ILDR1: variants seen among roughly 807,000 people sequenced by gnomAD.
ILDR1 encodes the protein immunoglobulin like domain containing receptor 1.
ILDR1 carries 56 observed loss-of-function variants against 62.4 expected under a neutral mutation model. The ratio of observed to expected loss-of-function variants is 0.90; its 90% CI spans 0.72 to 1.12. The LOEUF (loss-of-function observed/expected upper bound fraction) is 1.12, where lower values mean the gene tolerates loss of function less well. Ranked by LOEUF, ILDR1 falls within the 50% of genes most tolerant of loss-of-function variation. The probability of loss-of-function intolerance (pLI) is 0.00; values close to 1 mark genes in which losing one functional copy is unlikely to be tolerated. For missense variants in ILDR1, 736 were observed against 710.6 expected (o/e 1.04, Z -0.41); for synonymous variants, 284 against 277.8 (o/e 1.02, Z -0.22).
At chr3:122,047,264 C>G in the ILDR1 span, among the ~76,000 whole-genome samples, 1 of 152,274 alleles carries the variant, frequency 6.6e-6, no homozygotes, top group Non-Finnish European at 1.5e-5. Context: ...CTTGAGAAGG[C>G]AGTCTGCCGG....
In ILDR1 at chr3:121,993,149, C is replaced by A; in HGVS notation, c.1599+1G>T. On this transcript the variant is annotated splice_donor_variant, in intron 7 of 7. Transcript: ENST00000344209. LOFTEE classifies it high-confidence loss of function. ...CCCTCAGCAGGATGCCCCAGGCTCA[C>A]CGAGCGCCTCTCCACACTCCCTTTT... 6.3e-7 allele frequency: 1 copy of A among 1,580,770 alleles called. No individual in the cohort carries two copies. The highest frequency in any genetic ancestry group is 8.6e-7 in the Non-Finnish European group (1 of 1,162,650).
At chr3:122,008,716 C>T (rs4974397) in intron 1 of ILDR1, among the ~76,000 whole-genome samples, 91,452 of 150,986 alleles carry the variant, frequency 0.61, 28,344 homozygotes, top group Admixed American at 0.74. Context: ...GCCTCAGCCT[C>T]CCAAGTAGCT....
chr3:122,056,928 G>A, the ILDR1 span, among the ~76,000 whole-genome samples: 3 of 152,264 alleles, frequency 2.0e-5, no homozygotes, highest in African/African-American at 7.2e-5. Context: ...TATTGAACTT[G>A]TTAAGATTCC....
At chr3:122,010,611 T>C (rs2071689781) in intron 1 of ILDR1, among the ~76,000 whole-genome samples, 1 of 152,200 alleles carries the variant, frequency 6.6e-6, no homozygotes, top group Non-Finnish European at 1.5e-5. Flanking sequence ...GTGTGTTTTT[T>C]GTTTTTTGTT....
chr3:122,003,722 G>A (rs2071561669), intron 3 of ILDR1, among the ~76,000 whole-genome samples: 1 of 152,074 alleles, frequency 6.6e-6, no homozygotes, highest in South Asian at 2.1e-4. Flanking sequence ...AATGAAGCAG[G>A]GTTTGAGCCA....
chr3:122,041,871 C>T, the ILDR1 span, among the ~76,000 whole-genome samples: 397 of 149,882 alleles, frequency 2.6e-3, 2 homozygotes, highest in Non-Finnish European at 4.4e-3. Context: ...GATAATGTTA[C>T]TTCTTCCTTT....
upstream of ILDR1, among the ~76,000 whole-genome samples, chr3:122,023,430 T>G (rs1206122712): frequency 4.6e-5 from 7 of 152,198 alleles, no homozygotes. Context: ...ATTCATTAAA[T>G]TCATTAAACA....
the ILDR1 span, among the ~76,000 whole-genome samples, chr3:122,047,187 G>T: frequency 2.0e-5 from 3 of 150,826 alleles, no homozygotes; most frequent in Non-Finnish European, 4.4e-5. Flanking sequence ...CGTGTGAGGT[G>T]TCAGTGTGCC....
intron 5 of ILDR1, among the ~76,000 whole-genome samples, chr3:121,996,799 G>T (rs2071443794): frequency 6.6e-6 from 1 of 152,150 alleles, no homozygotes; most frequent in African/African-American, 2.4e-5. Flanking sequence ...ACTTGGAATT[G>T]ACTGCTGAGG....
At chr3:122,010,321 A>T (rs1246401659) in intron 1 of ILDR1, among the ~76,000 whole-genome samples, 1 of 152,202 alleles carries the variant, frequency 6.6e-6, no homozygotes, top group African/African-American at 2.4e-5. Context: ...TCCATGGATC[A>T]TCACTGAAGT....
the ILDR1 span, among the ~76,000 whole-genome samples, chr3:122,045,456 C>T: frequency 6.6e-6 from 1 of 152,126 alleles, no homozygotes; most frequent in East Asian, 1.9e-4. Flanking sequence ...GAGCTGAGTT[C>T]AATTCCTGGG....
At chr3:122,042,972 G>C in the ILDR1 span, among the ~76,000 whole-genome samples, 1 of 148,016 alleles carries the variant, frequency 6.8e-6, no homozygotes, top group Non-Finnish European at 1.5e-5. Context: ...TTGGTGTTTT[G>C]GACATGAAGT....
chr3:122,047,419 T>G, the ILDR1 span, among the ~76,000 whole-genome samples: 2 of 152,258 alleles, frequency 1.3e-5, no homozygotes, highest in South Asian at 2.1e-4. Flanking sequence ...CAGGCAGGCC[T>G]CCTTGAGCTA....
chr3:122,039,488 T>G, the ILDR1 span, among the ~76,000 whole-genome samples: 3 of 152,074 alleles, frequency 2.0e-5, no homozygotes, highest in Non-Finnish European at 2.9e-5. Flanking sequence ...GGGATATATT[T>G]AAAGTGCTGT....
At chr3:122,021,457 A>G (rs9289186) in intron 1 of ILDR1, among the ~76,000 whole-genome samples, 136,573 of 152,206 alleles carry the variant, frequency 0.9, 61,392 homozygotes, top group East Asian at 1. Context: ...CACCTGATGC[A>G]GGATGAGCAA....
At chr3:121,995,330 T>C (rs2071420338) in intron 5 of ILDR1, among the ~76,000 whole-genome samples, 1 of 152,146 alleles carries the variant, frequency 6.6e-6, no homozygotes, top group Non-Finnish European at 1.5e-5. Context: ...TCTCAGTTCC[T>C]CCTTGCTTCC....
the ILDR1 span, among the ~76,000 whole-genome samples, chr3:122,060,080 T>C: frequency 6.6e-6 from 1 of 152,160 alleles, no homozygotes; most frequent in Non-Finnish European, 1.5e-5. Context: ...AGCAAACTAA[T>C]ACACTTGGTG....
At chr3:122,040,778 C>T in the ILDR1 span, among the ~76,000 whole-genome samples, 1 of 147,284 alleles carries the variant, frequency 6.8e-6, no homozygotes, top group Admixed American at 6.7e-5. Context: ...GGGTCATAGG[C>T]CTAAATTTAA....
chr3:122,004,026 T>TAA (rs71136546), intron 3 of ILDR1, among the ~76,000 whole-genome samples: 4 of 143,574 alleles, frequency 2.8e-5, no homozygotes, highest in Admixed American at 6.9e-5. Flanking sequence ...ATGCCGAATG[T>TAA]AAAAAAAAAA....
Sources: gnomAD v4.1 joint callset for allele counts (sites outside exome capture counted in the v4.1 genomes callset) on GRCh38, gnomAD v4.1.1 for gene constraint, MANE v1.5 for transcripts, NCBI Gene and HGNC (gene_info 2026-07-23, HGNC 2026-07-21) for gene names.